The following CSNK2A2 variants were observed in gnomAD, a reference collection of about 807,000 sequenced individuals.
The protein encoded by CSNK2A2 is casein kinase II subunit alpha'.
In CSNK2A2, 8 loss-of-function variants were observed where a neutral mutation model predicts 54.0. The observed-to-expected ratio is 0.15, with a 90% CI of 0.09 to 0.27. CSNK2A2 has a LOEUF of 0.27. Among genes scored for constraint, CSNK2A2 ranks in the 10% least tolerant of loss-of-function variants. The pLI is 1.00. For synonymous variants in CSNK2A2, 141 were observed against 153.9 expected (o/e 0.92, Z 0.62); for missense variants, 242 against 439.4 (o/e 0.55, Z 4.02).
chr16:58,170,718 CATA>C (rs1261929572), intron 5 of CSNK2A2, among the ~76,000 whole-genome samples: 3 of 151,990 alleles, frequency 2.0e-5, no homozygotes, highest in Non-Finnish European at 4.4e-5. Context: ...TTTTTATTTC[CATA>C]ATGAGTGATG....
intron 11 of CSNK2A2, chr16:58,161,767 G>T (rs1961381547): frequency 6.6e-6 from 1 of 152,368 alleles, no homozygotes; most frequent in African/African-American, 2.4e-5. Flanking sequence ...AGGAAGGGGT[G>T]AGCATTTCAA....
chr16:58,169,533 G>A (rs1413438500), intron 5 of CSNK2A2, among the ~76,000 whole-genome samples: 1 of 151,394 alleles, frequency 6.6e-6, no homozygotes, highest in Non-Finnish European at 1.5e-5. Context: ...GTGGGGAGGG[G>A]GGTGTGTGTG....
At chr16:58,168,321 G>A (rs1302615169) in intron 6 of CSNK2A2, among the ~76,000 whole-genome samples, 1 of 152,154 alleles carries the variant, frequency 6.6e-6, no homozygotes, top group African/African-American at 2.4e-5. Context: ...GGGTCATCAA[G>A]AAATGAAGCA....
chr16:58,167,415 T>C, intron 7 of CSNK2A2, 107 bp from the exon 8 acceptor site: 2 of 749,164 alleles, frequency 2.7e-6, no homozygotes, highest in Non-Finnish European at 4.1e-6. Flanking sequence ...GGTATGGCCA[T>C]AGATAATTTA....
intron 11 of CSNK2A2, chr16:58,162,098 G>A (rs918092520): frequency 6.6e-6 from 1 of 152,094 alleles, no homozygotes; most frequent in African/African-American, 2.4e-5. Context: ...AAAAAGGGAG[G>A]GCTGAGGAGT....
At chr16:58,172,315 T>C (rs1216823768) in intron 5 of CSNK2A2, among the ~76,000 whole-genome samples, 4 of 152,286 alleles carry the variant, frequency 2.6e-5, no homozygotes, top group East Asian at 1.9e-4. Context: ...TGTTTTATAA[T>C]AACTGTAGCA....
chr16:58,193,248 T>A (rs1238164186), intron 2 of CSNK2A2, among the ~76,000 whole-genome samples: 2 of 152,164 alleles, frequency 1.3e-5, no homozygotes, highest in Non-Finnish European at 2.9e-5. Context: ...CATTCTGATA[T>A]AATATAAAGA....
At chr16:58,160,607 G>A (rs933251508) in intron 11 of CSNK2A2, 3 of 152,384 alleles carry the variant, frequency 2.0e-5, no homozygotes, top group South Asian at 4.1e-4. Context: ...CGCCTGACTC[G>A]AGAGCACCAC....
At chr16:58,166,218 T>G (rs1273951351) in intron 9 of CSNK2A2, among the ~76,000 whole-genome samples, 1 of 152,208 alleles carries the variant, frequency 6.6e-6, no homozygotes. Flanking sequence ...AAGTCCACCT[T>G]GAAGAGATAT....
intron 2 of CSNK2A2, among the ~76,000 whole-genome samples, chr16:58,194,738 T>C (rs1220863628): frequency 1.3e-5 from 2 of 152,220 alleles, no homozygotes; most frequent in Non-Finnish European, 1.5e-5. Flanking sequence ...TCTTTGTGCC[T>C]AGGTCTCCCA....
chr16:58,180,010 C>T lies in CSNK2A2; in HGVS notation c.369+4250G>A, dbSNP rs181339060. On this transcript the variant is annotated intron_variant, in intron 4 of 11. Transcript: ENST00000262506. ...AGGAGAATCACTTGAACCCAGGAGG[C>T]GGAGGTTGCATTGAGCCAAGACTGT... 2.9e-4 allele frequency among the ~76,000 whole-genome samples: 43 copies of T among 146,936 alleles called. No homozygotes were observed. In the East Asian group the frequency reaches 6.1e-3, roughly 21 times the overall value.
chr16:58,166,786 C>A (rs1286531743), intron 8 of CSNK2A2, 102 bp from the exon 9 acceptor site: 3 of 793,706 alleles, frequency 3.8e-6, no homozygotes, highest in Non-Finnish European at 4.3e-6. Context: ...CACCACTAAA[C>A]CTCTAGGAAC....
In CSNK2A2 at chr16:58,167,288, G is replaced by A. The variant is rs774065066; in HGVS notation, c.645C>T (p.Asp215=). The change falls in exon 8 of 12, where the codon GAC becomes GAT. Residue 215 remains aspartate (D), a synonymous_variant. Coordinates refer to ENST00000262506, the MANE Select transcript of CSNK2A2 (RefSeq NM_001896.4). Reference sequence around the variant, plus strand: ...CTAACATACAGCCCAAACTCCACATGTCCAAGCTATAATCATACATCTGAG... The same window carrying A: ...CTAACATACAGCCCAAACTCCACATATCCAAGCTATAATCATACATCTGAG... ...VDYQMYDYSL[D]MWSLGCMLAS... 4.3e-6 allele frequency: 7 copies of A among 1,613,142 alleles called. No homozygotes were observed. The highest frequency in any genetic ancestry group is 1.7e-6 in the Non-Finnish European group (2 of 1,179,522).
chr16:58,197,537 G>A lies in CSNK2A2; in HGVS notation c.104+96C>T. 1.4e-6 allele frequency: 1 copy of A among 693,268 alleles called. No individual in the cohort carries two copies. Among genetic ancestry groups the A allele is most frequent in the Non-Finnish European group, 2.2e-6 (1 of 446,474 alleles). 42.9% of individuals were successfully genotyped at this position (693,268 alleles called of 1,614,324 possible). On this transcript the variant is annotated intron_variant, in intron 1 of 11. Coordinates refer to ENST00000262506, the MANE Select transcript of CSNK2A2 (RefSeq NM_001896.4). This position sits in a 1 kb window ranked among gnomAD's most constrained non-coding sequence, Gnocchi z 4.0. ...CTCCCTGCGGGCCCGCGGAGGGGTC[G>A]GCGGGAGACACCACCGGGCCCGAGT... is the stretch of plus-strand genomic sequence containing the variant.
chr16:58,196,706 G>T (rs1388665312), intron 2 of CSNK2A2, 27 bp downstream of exon 2: 1 of 1,481,062 alleles, frequency 6.8e-7, no homozygotes, highest in Non-Finnish European at 9.4e-7. Flanking sequence ...GGAGGAAAAT[G>T]TTACATACCA....
chr16:58,181,462 G>A (rs1175378722), intron 4 of CSNK2A2, among the ~76,000 whole-genome samples: 1 of 152,178 alleles, frequency 6.6e-6, no homozygotes, highest in East Asian at 1.9e-4. Flanking sequence ...CCTTGAGACA[G>A]GGGCTGATGG....
At chr16:58,162,701 G>A (rs1961419229) in intron 11 of CSNK2A2, 1 of 152,218 alleles carries the variant, frequency 6.6e-6, no homozygotes. Flanking sequence ...GCTGTGGCAT[G>A]GCCCTGCAGC....
chr16:58,179,026 A>C (rs1961954692), intron 4 of CSNK2A2, among the ~76,000 whole-genome samples: 1 of 152,218 alleles, frequency 6.6e-6, no homozygotes, highest in Admixed American at 6.6e-5. Flanking sequence ...GAAACTTTTG[A>C]GTATGAACTT....
intron 5 of CSNK2A2, among the ~76,000 whole-genome samples, chr16:58,172,382 A>C (rs1961768219): frequency 6.6e-6 from 1 of 152,104 alleles, no homozygotes; most frequent in Non-Finnish European, 1.5e-5. Flanking sequence ...GTGAGGGCAG[A>C]CCTCCTTGAA....
Sources: allele counts gnomAD v4.1 joint callset (sites outside exome capture counted in the v4.1 genomes callset), GRCh38; gene constraint gnomAD v4.1.1; non-coding constraint Gnocchi (gnomAD v3.1); transcripts MANE v1.5; gene names NCBI Gene and HGNC (gene_info 2026-07-23, HGNC 2026-07-21).